Variants in EYA4 observed in about 807,000 individuals in gnomAD.
EYA4 encodes the protein protein phosphatase EYA4.
A neutral mutation model predicts 87.9 loss-of-function variants in EYA4; 31 were observed. The observed-to-expected ratio is 0.35, with a 90% CI of 0.27 to 0.48. The LOEUF is 0.48. Ranked by LOEUF, EYA4 falls within the 20% of genes least tolerant of loss-of-function variation. The pLI is 0.99. For synonymous variants in EYA4, 263 were observed against 270.6 expected, an observed-to-expected ratio of 0.97 and a Z score of 0.28; for missense variants, 678 against 761.4, an observed-to-expected ratio of 0.89 and a Z score of 1.29.
intron 2 of EYA4, among the ~76,000 whole-genome samples, chr6:133,285,175 T>G (rs1033968372): frequency 1.3e-5 from 2 of 152,016 alleles, no homozygotes; most frequent in Non-Finnish European, 2.9e-5. Context: ...TTTTTGTATT[T>G]TTAGTAGAGA....
chr6:133,341,817 A>G (rs1348312332), intron 2 of EYA4, among the ~76,000 whole-genome samples: 2 of 150,970 alleles, frequency 1.3e-5, no homozygotes, highest in African/African-American at 2.4e-5. Context: ...AAAACTTACC[A>G]TTCAACAAGT....
intron 13 of EYA4, among the ~76,000 whole-genome samples, chr6:133,496,210 T>C (rs1797635029): frequency 6.6e-6 from 1 of 152,194 alleles, no homozygotes; most frequent in South Asian, 2.1e-4. Flanking sequence ...AAAAGACCTT[T>C]GTAGTGTTAA....
chr6:133,311,085 A>G lies in EYA4; in HGVS notation c.33+36272A>G, dbSNP rs144432121. Among the ~76,000 whole-genome samples the G allele has an allele frequency of 5.3e-4, 80 of 152,132 alleles. 1 individual carries two copies. The East Asian group carries it at 0.015, about 29-fold the overall frequency. ...TATTTTCTTCTTGCTTATTCCCCACATACATTCTCTTAGTATTACCATTAC... is the reference window on the plus strand; with the variant it reads ...TATTTTCTTCTTGCTTATTCCCCACGTACATTCTCTTAGTATTACCATTAC... On this transcript the variant is annotated intron_variant, in intron 2 of 19. Transcript: ENST00000355286.
In EYA4 at chr6:133,448,099, TC is replaced by T. The variant is rs1481525946; in HGVS notation, c.209-10del. The T allele has an allele frequency of 6.2e-7, 1 of 1,607,428 alleles. No homozygotes were observed. Among genetic ancestry groups the T allele is most frequent in the Non-Finnish European group, 8.5e-7 (1 of 1,174,020 alleles). On this transcript the variant is annotated splice_polypyrimidine_tract_variant and intron_variant, in intron 4 of 19. Coordinates refer to ENST00000355286, the MANE Select transcript of EYA4 (RefSeq NM_004100.5). ...TTCAGACAATGAACTTTTATACTGT[TC>T]CTGTTCTCAGGGGAAAACATGACTG... is the stretch of plus-strand genomic sequence containing the variant.
intron 2 of EYA4, among the ~76,000 whole-genome samples, chr6:133,282,914 A>G (rs757465374): frequency 7.2e-5 from 11 of 152,220 alleles, no homozygotes; most frequent in Non-Finnish European, 1.6e-4. Context: ...AATAAGAGCT[A>G]TGATATCTTT....
chr6:133,479,229 A>T (rs1222973633), intron 11 of EYA4, among the ~76,000 whole-genome samples: 1 of 152,126 alleles, frequency 6.6e-6, no homozygotes, highest in East Asian at 1.9e-4. Context: ...CAGACATCTA[A>T]AGACTAATTT....
intron 3 of EYA4, among the ~76,000 whole-genome samples, chr6:133,429,065 T>C (rs1790951076): frequency 6.6e-6 from 1 of 151,516 alleles, no homozygotes. Flanking sequence ...TAGCTGGGAT[T>C]ACAGGTGTGC....
chr6:133,516,228 C>T (rs1583532278), intron 17 of EYA4, among the ~76,000 whole-genome samples: 4 of 151,942 alleles, frequency 2.6e-5, no homozygotes, highest in Admixed American at 2.6e-4. Flanking sequence ...GACACTGGGG[C>T]CTACTTGAGG....
At chr6:133,448,490 A>T (rs1793084455) in intron 5 of EYA4, among the ~76,000 whole-genome samples, 1 of 152,162 alleles carries the variant, frequency 6.6e-6, no homozygotes, top group Non-Finnish European at 1.5e-5. Flanking sequence ...TTTGCCCAAC[A>T]ACTGCCATGT....
Position 133,531,200 on chromosome 6 carries a change from T to G in EYA4, c.*2395T>G. 1 of 1,535,140 alleles carries G rather than the reference T, an allele frequency of 6.5e-7. No homozygotes were observed. The highest frequency in any genetic ancestry group is 8.7e-7 in the Non-Finnish European group (1 of 1,146,760). ...TCACACACATCTCTTTTTCTGATTC[T>G]GTGTTCAGAAGAGGCTGCCGGCATA... is the stretch of plus-strand genomic sequence containing the variant. On this transcript the variant is annotated 3_prime_UTR_variant, in exon 20 of 20. Coordinates refer to ENST00000355286, the MANE Select transcript of EYA4 (RefSeq NM_004100.5).
intron 6 of EYA4, among the ~76,000 whole-genome samples, chr6:133,459,610 C>T (rs977860319): frequency 1.3e-5 from 2 of 152,060 alleles, no homozygotes; most frequent in South Asian, 2.1e-4. Context: ...TATTGTTAAT[C>T]GATAAATTAG....
intron 1 of EYA4, among the ~76,000 whole-genome samples, chr6:133,264,298 G>A (rs1776031106): frequency 6.6e-6 from 1 of 152,252 alleles, no homozygotes; most frequent in Non-Finnish European, 1.5e-5. Context: ...GCTAGACACT[G>A]CCATGGCTGC....
rs71003632 is a variant in EYA4 at position 133,294,062 on chromosome 6, T to TATATAAAA, written c.33+19250_33+19251insTATAAAAA. Reference sequence around the variant, plus strand: ...ATATATATATATATATATATATATATAATTCTATTCTATATATAACATTCT... The same window carrying TATATAAAA: ...ATATATATATATATATATATATATATATATAAAAAATTCTATTCTATATATAACATTCT... On this transcript the variant is annotated intron_variant, in intron 2 of 19. Coordinates refer to ENST00000355286, the MANE Select transcript of EYA4 (RefSeq NM_004100.5). 2.2e-4 allele frequency among the ~76,000 whole-genome samples: 23 copies of TATATAAAA among 105,148 alleles called. 1 individual carries two copies. The highest frequency in any genetic ancestry group is 3.3e-4 in the South Asian group (1 of 3,046). The allele number at this position is 105,148 out of a possible 152,430, so 69.0% of individuals were successfully genotyped here.
At chr6:133,250,660 A>G (rs1187938405) in intron 1 of EYA4, among the ~76,000 whole-genome samples, 1 of 152,060 alleles carries the variant, frequency 6.6e-6, no homozygotes, top group Non-Finnish European at 1.5e-5. Context: ...ATAAATAAAT[A>G]AAAAGGAAGA....
chr6:133,321,431 G>C (rs911379711), intron 2 of EYA4, among the ~76,000 whole-genome samples: 1 of 152,080 alleles, frequency 6.6e-6, no homozygotes, highest in African/African-American at 2.4e-5. Flanking sequence ...CATTTCAGCA[G>C]CTTTAAATTT....
intron 13 of EYA4, among the ~76,000 whole-genome samples, chr6:133,503,433 T>G (rs562950866): frequency 6.6e-6 from 1 of 152,338 alleles, no homozygotes; most frequent in Non-Finnish European, 1.5e-5. Flanking sequence ...GGAAAACCTT[T>G]TAAATCAGAT....
intron 11 of EYA4, among the ~76,000 whole-genome samples, chr6:133,480,731 CT>C (rs1321584501): frequency 2.6e-5 from 4 of 151,906 alleles, no homozygotes; most frequent in Non-Finnish European, 5.9e-5. Flanking sequence ...TCTCTTTTTA[CT>C]TTTTTTAACA....
chr6:133,329,858 C>T (rs190839256), intron 2 of EYA4, among the ~76,000 whole-genome samples: 5 of 152,062 alleles, frequency 3.3e-5, no homozygotes, highest in East Asian at 1.9e-4. Flanking sequence ...TGAATGGTGA[C>T]GTGATGTCAA....
intron 3 of EYA4, among the ~76,000 whole-genome samples, chr6:133,383,201 T>C (rs1583125960): frequency 6.6e-6 from 1 of 152,340 alleles, no homozygotes; most frequent in African/African-American, 2.4e-5. Context: ...TCCTACTTGC[T>C]CCCGCATATA....
Sources: allele counts gnomAD v4.1 joint callset (sites outside exome capture counted in the v4.1 genomes callset), GRCh38; gene constraint gnomAD v4.1.1; transcripts MANE v1.5; gene names NCBI Gene and HGNC (gene_info 2026-07-23, HGNC 2026-07-21).